Variants in TYW1B observed in about 807,000 individuals in gnomAD.
The protein encoded by TYW1B is S-adenosyl-L-methionine-dependent tRNA 4-demethylwyosine synthase TYW1B.
A neutral mutation model predicts 86.9 loss-of-function variants in TYW1B; 73 were observed. The ratio of observed to expected loss-of-function variants is 0.84; its 90% CI spans 0.70 to 1.02. The LOEUF is 1.02. Ranked by LOEUF, TYW1B falls within the 50% of genes least tolerant of loss-of-function variation. TYW1B has a pLI of 0.00. For missense variants in TYW1B, 637 were observed against 827.4 expected (o/e 0.77, Z 2.82); for synonymous variants, 248 against 292.8 (o/e 0.85, Z 1.56).
intron 13 of TYW1B, among the ~76,000 whole-genome samples, chr7:72,597,673 A>G (rs1388705734): frequency 6.6e-6 from 1 of 152,350 alleles, no homozygotes; most frequent in Non-Finnish European, 1.5e-5. Flanking sequence ...ATAGGATTAC[A>G]GATTTGAAAT....
At chr7:72,667,532 G>A (rs1813496032) in intron 11 of TYW1B, among the ~76,000 whole-genome samples, 1 of 152,034 alleles carries the variant, frequency 6.6e-6, no homozygotes, top group Non-Finnish European at 1.5e-5. Flanking sequence ...TGGGCAACAC[G>A]GCAAAACCCT....
chr7:72,717,644 G>GACACACACAC (rs71071905), intron 9 of TYW1B, among the ~76,000 whole-genome samples: 17 of 146,202 alleles, frequency 1.2e-4, no homozygotes, highest in Admixed American at 4.8e-4. Context: ...AGCTGTGCTT[G>GACACACACAC]ACACACACAC....
rs116015787 is a variant in TYW1B at position 72,730,192 on chromosome 7, C to A, written c.1083-1261G>T. Among the ~76,000 whole-genome samples the A allele has an allele frequency of 7.1e-3, 1,079 of 151,978 alleles. 19 individuals are homozygous for A. Among genetic ancestry groups the A allele is most frequent in the African/African-American group, 0.025 (1,051 of 41,438 alleles). On this transcript the variant is annotated intron_variant, in intron 8 of 13. Transcript: ENST00000620995. ...AACATGAACTAGCAAGAAAACATGA[C>A]ACTCCCAAAGAAACATGATTAGTTC...
At chr7:72,659,587 A>G (rs1554444191) in intron 11 of TYW1B, among the ~76,000 whole-genome samples, 1 of 152,178 alleles carries the variant, frequency 6.6e-6, no homozygotes, top group Admixed American at 6.5e-5. Flanking sequence ...CAAAGAAAAG[A>G]AAAGAAAAAA....
intron 7 of TYW1B, among the ~76,000 whole-genome samples, chr7:72,768,203 T>C (rs1554468900): frequency 5.3e-5 from 8 of 151,134 alleles, no homozygotes; most frequent in Non-Finnish European, 1.2e-4. Context: ...ATTGCACCAC[T>C]ACACTATAGC....
At chr7:72,773,258 G>C (rs1354877957) in intron 7 of TYW1B, among the ~76,000 whole-genome samples, 1 of 152,180 alleles carries the variant, frequency 6.6e-6, no homozygotes, top group African/African-American at 2.4e-5. Context: ...TACAGTTGCT[G>C]AAAATCATAG....
chr7:72,644,989 G>A (rs1412806854), intron 11 of TYW1B, among the ~76,000 whole-genome samples: 1 of 151,972 alleles, frequency 6.6e-6, no homozygotes, highest in Non-Finnish European at 1.5e-5. Flanking sequence ...CACCAGGCCC[G>A]GCTAATTTTT....
intron 12 of TYW1B, among the ~76,000 whole-genome samples, chr7:72,617,576 AG>A (rs1286386362): frequency 6.6e-6 from 1 of 152,142 alleles, no homozygotes; most frequent in Non-Finnish European, 1.5e-5. Flanking sequence ...CATGTTGACC[AG>A]GCTGGTCTTG....
intron 13 of TYW1B, among the ~76,000 whole-genome samples, chr7:72,579,152 A>G (rs1297437024): frequency 4.6e-5 from 7 of 152,184 alleles, no homozygotes; most frequent in Non-Finnish European, 8.8e-5. Context: ...AACTTTCACA[A>G]AACTGCAGGC....
At chr7:72,626,056 C>T (rs532036148) in intron 12 of TYW1B, among the ~76,000 whole-genome samples, 14 of 151,944 alleles carry the variant, frequency 9.2e-5, no homozygotes, top group African/African-American at 3.4e-4. Context: ...GCAAGGTTTG[C>T]TTAAGCTGAT....
chr7:72,704,239 G>C (rs1554453244), intron 10 of TYW1B, among the ~76,000 whole-genome samples: 1 of 151,960 alleles, frequency 6.6e-6, no homozygotes, highest in Non-Finnish European at 1.5e-5. Flanking sequence ...TTTGAGACCA[G>C]CCTGGCTAAC....
At chr7:72,688,179 G>A (rs1199126561) in intron 11 of TYW1B, among the ~76,000 whole-genome samples, 2 of 152,092 alleles carry the variant, frequency 1.3e-5, no homozygotes, top group African/African-American at 2.4e-5. Context: ...TTTGAATTCT[G>A]GTAAAGTATG....
intron 1 of TYW1B, 63 bp downstream of exon 1, chr7:72,828,009 G>T: frequency 1.2e-6 from 2 of 1,607,308 alleles, no homozygotes; most frequent in Non-Finnish European, 1.7e-6. Context: ...GCCCGGAGAG[G>T]GTCTCAGTAA....
intron 8 of TYW1B, among the ~76,000 whole-genome samples, chr7:72,732,148 G>A (rs2129571101): frequency 6.6e-6 from 1 of 152,146 alleles, no homozygotes; most frequent in East Asian, 1.9e-4. Flanking sequence ...AACATTATGA[G>A]ATCTAATGGG....
intron 11 of TYW1B, among the ~76,000 whole-genome samples, chr7:72,693,440 T>G (rs1554450793): frequency 6.8e-6 from 1 of 147,414 alleles, no homozygotes; most frequent in Non-Finnish European, 1.5e-5. Context: ...GATAGGGGTC[T>G]CACTGTCACC....
chr7:72,693,199 A>G (rs1365017538), intron 11 of TYW1B, among the ~76,000 whole-genome samples: 1 of 152,072 alleles, frequency 6.6e-6, no homozygotes, highest in African/African-American at 2.4e-5. Flanking sequence ...AAGAAGGAGG[A>G]TTAATGGAAA....
chr7:72,771,241 C>A (rs1787863375), intron 7 of TYW1B, among the ~76,000 whole-genome samples: 1 of 152,048 alleles, frequency 6.6e-6, no homozygotes, highest in Non-Finnish European at 1.5e-5. Flanking sequence ...GGATTACAGG[C>A]GTGAGCCACT....
Position 72,683,744 on chromosome 7 carries a change from CA to C in TYW1B, c.1506+10942del, listed in dbSNP as rs1341819215. Among the ~76,000 whole-genome samples, 7 of 152,218 alleles carry C rather than the reference CA, an allele frequency of 4.6e-5. No homozygotes were observed. In the East Asian group the frequency reaches 1.4e-3, roughly 29 times the overall value. ...ACAAGGCACACTAAAAGGCAAAAAG[CA>C]AAGTTTAAAGAGATAGCACAAGCAT... On this transcript the variant is annotated intron_variant, in intron 11 of 13. Coordinates refer to ENST00000620995, the MANE Select transcript of TYW1B (RefSeq NM_001145440.3).
At chr7:72,805,647 G>A (rs1363634604) in intron 5 of TYW1B, among the ~76,000 whole-genome samples, 1 of 151,648 alleles carries the variant, frequency 6.6e-6, no homozygotes, top group Admixed American at 6.6e-5. Flanking sequence ...TTAAAGTAGA[G>A]GCCACAGAAT....
Sources: gnomAD v4.1 joint callset for allele counts (sites outside exome capture counted in the v4.1 genomes callset) on GRCh38, gnomAD v4.1.1 for gene constraint, MANE v1.5 for transcripts, NCBI Gene and HGNC (gene_info 2026-07-23, HGNC 2026-07-21) for gene names.